The following NRG4 variants were observed in gnomAD, a reference collection of about 807,000 sequenced individuals.
NRG4 encodes pro-neuregulin-4, membrane-bound isoform.
In NRG4, 10 loss-of-function variants were observed where a neutral mutation model predicts 15.0. The ratio of observed to expected loss-of-function variants is 0.67; its 90% CI spans 0.41 to 1.13. The LOEUF (loss-of-function observed/expected upper bound fraction) is 1.13. Ranked by LOEUF, NRG4 falls within the 50% of genes most tolerant of loss-of-function variation. NRG4 has a pLI of 0.00. For synonymous variants in NRG4, 41 were observed against 50.1 expected, an observed-to-expected ratio of 0.82 and a Z score of 0.77; for missense variants, 139 against 140.2, an observed-to-expected ratio of 0.99 and a Z score of 0.04.
chr15:76,050,948 G>C (rs1291151953), intron 4 of NRG4, among the ~76,000 whole-genome samples: 3 of 149,134 alleles, frequency 2.0e-5, no homozygotes, highest in Non-Finnish European at 4.4e-5. Context: ...CAGGACCACA[G>C]GTGTGTGCCA....
chr15:76,037,101 T>C (rs1400822284), intron 4 of NRG4, among the ~76,000 whole-genome samples: 1 of 151,720 alleles, frequency 6.6e-6, no homozygotes, highest in Non-Finnish European at 1.5e-5. Context: ...AAGCAAACAA[T>C]CTGAAAAAGC....
At chr15:75,994,499 G>C (rs922018008) in intron 3 of NRG4, among the ~76,000 whole-genome samples, 1 of 152,122 alleles carries the variant, frequency 6.6e-6, no homozygotes, top group African/African-American at 2.4e-5. Flanking sequence ...AACTACTTTT[G>C]TTTCTTCCTG....
At chr15:75,964,161 A>T (rs2032675839) in intron 3 of NRG4, among the ~76,000 whole-genome samples, 1 of 152,148 alleles carries the variant, frequency 6.6e-6, no homozygotes, top group Non-Finnish European at 1.5e-5. Flanking sequence ...AAACACACAC[A>T]CACACACGCA....
At chr15:75,986,757 T>G (rs2033814693) in intron 3 of NRG4, among the ~76,000 whole-genome samples, 1 of 152,314 alleles carries the variant, frequency 6.6e-6, no homozygotes, top group African/African-American at 2.4e-5. Flanking sequence ...CCCAAGTATT[T>G]TATTTCTTTG....
intron 3 of NRG4, among the ~76,000 whole-genome samples, chr15:75,991,502 T>C (rs1037997679): frequency 6.6e-5 from 10 of 152,194 alleles, no homozygotes; most frequent in African/African-American, 2.4e-4. Flanking sequence ...GCCCAACCTC[T>C]GTCCTGGTGA....
intron 5 of NRG4, 77 bp from the exon 6 acceptor site, chr15:75,943,731 C>G: frequency 6.6e-6 from 6 of 909,236 alleles, no homozygotes; most frequent in South Asian, 1.4e-5. Context: ...CTACATGTCT[C>G]TTATCTTCTT....
intron 5 of NRG4, among the ~76,000 whole-genome samples, chr15:76,019,331 G>A (rs774188635): frequency 2.6e-5 from 4 of 152,106 alleles, no homozygotes; most frequent in African/African-American, 9.7e-5. Flanking sequence ...CCCTTTCCAG[G>A]GGGGTGAACG....
intron 3 of NRG4, among the ~76,000 whole-genome samples, chr15:75,965,382 G>A (rs949149656): frequency 2.0e-5 from 3 of 152,148 alleles, no homozygotes; most frequent in South Asian, 2.1e-4. Context: ...GGCATACAAA[G>A]TAAACCAAGC....
At chr15:76,040,017 A>G (rs1424133016) in intron 4 of NRG4, among the ~76,000 whole-genome samples, 2 of 152,070 alleles carry the variant, frequency 1.3e-5, no homozygotes, top group Non-Finnish European at 2.9e-5. Flanking sequence ...TGGGCAACAA[A>G]GTGAGACTCT....
upstream of NRG4, among the ~76,000 whole-genome samples, chr15:76,013,539 C>T (rs906075004): frequency 6.6e-6 from 1 of 151,996 alleles, no homozygotes; most frequent in African/African-American, 2.4e-5. Context: ...ATGTTCTCCT[C>T]CCTGTGTCCA....
chr15:76,053,291 C>G (rs935652128), intron 2 of NRG4: 2 of 150,934 alleles, frequency 1.3e-5, no homozygotes, highest in South Asian at 4.2e-4. Context: ...TCACACTGCC[C>G]AAGTTTGAAT....
intron 2 of NRG4, among the ~76,000 whole-genome samples, chr15:76,010,235 T>TA (rs1418191434): frequency 3.9e-5 from 6 of 152,148 alleles, no homozygotes; most frequent in Non-Finnish European, 8.8e-5. Flanking sequence ...CTTCCAGCCT[T>TA]AAAGGGGAAA....
intron 3 of NRG4, among the ~76,000 whole-genome samples, chr15:75,990,385 C>T (rs887701893): frequency 6.6e-6 from 1 of 152,106 alleles, no homozygotes. Flanking sequence ...CGGTCCAGAG[C>T]GTACCTCCAG....
Position 75,993,392 on chromosome 15 carries a change from T to TAAA in NRG4, c.104+15805_104+15807dup, listed in dbSNP as rs60453624. Among the ~76,000 whole-genome samples the TAAA allele has an allele frequency of 1.5e-4, 11 of 72,132 alleles. 1 individual carries two copies. Among genetic ancestry groups the TAAA allele is most frequent in the South Asian group, 4.7e-4 (1 of 2,124 alleles). 47.3% of individuals were successfully genotyped at this position (72,132 alleles called of 152,430 possible). On this transcript the variant is annotated intron_variant, in intron 3 of 5. Transcript: ENST00000394907. ...ATTTGACAAGTCACTGAGGATTCTG[T>TAAA]AAAAAAAAAAAAAAAAAAAAAAAAA...
At chr15:76,004,442 A>G (rs2034522515) in intron 3 of NRG4, among the ~76,000 whole-genome samples, 1 of 151,800 alleles carries the variant, frequency 6.6e-6, no homozygotes, top group Non-Finnish European at 1.5e-5. Context: ...CTCTACTAAA[A>G]ATACAAAATT....
intron 5 of NRG4, among the ~76,000 whole-genome samples, chr15:76,024,152 G>T (rs1267735720): frequency 1.3e-5 from 2 of 152,238 alleles, no homozygotes; most frequent in Non-Finnish European, 2.9e-5. Context: ...CAACATGTAA[G>T]TCTTGGGCCT....
chr15:75,976,342 T>G (rs2033366140), intron 3 of NRG4, among the ~76,000 whole-genome samples: 1 of 152,202 alleles, frequency 6.6e-6, no homozygotes, highest in Admixed American at 6.5e-5. Context: ...TTCTGTCAAT[T>G]TGTCAAACTC....
At chr15:75,994,677 T>G (rs1411968193) in intron 3 of NRG4, among the ~76,000 whole-genome samples, 1 of 152,244 alleles carries the variant, frequency 6.6e-6, no homozygotes, top group Non-Finnish European at 1.5e-5. Flanking sequence ...TGAAAGTATC[T>G]TACAGAATTT....
chr15:75,966,306 T>C (rs1272747495), intron 3 of NRG4, among the ~76,000 whole-genome samples: 1 of 152,228 alleles, frequency 6.6e-6, no homozygotes, highest in Non-Finnish European at 1.5e-5. Flanking sequence ...GACTGTGAAC[T>C]GGAAAAAACT....
Sources: allele counts gnomAD v4.1 joint callset (sites outside exome capture counted in the v4.1 genomes callset), GRCh38; gene constraint gnomAD v4.1.1; transcripts MANE v1.5; gene names NCBI Gene and HGNC (gene_info 2026-07-23, HGNC 2026-07-21).